The following CCAR2 variants were observed in gnomAD, a reference collection of about 807,000 sequenced individuals.
The protein encoded by CCAR2 is cell cycle and apoptosis regulator 2.
A neutral mutation model predicts 108.1 loss-of-function variants in CCAR2; 21 were observed. That is an observed-to-expected ratio of 0.19 (90% confidence interval 0.14 to 0.28). CCAR2 has a LOEUF of 0.28. Ranked by LOEUF, CCAR2 falls within the 10% of genes least tolerant of loss-of-function variation. The pLI, the probability that CCAR2 is intolerant of heterozygous loss-of-function variation, is 1.00. For synonymous variants in CCAR2, 577 were observed against 472.8 expected, an observed-to-expected ratio of 1.22 and a Z score of -2.86; for missense variants, 1,126 against 1,177.0, an observed-to-expected ratio of 0.96 and a Z score of 0.63.
chr8:22,614,528 A>G, intron 10 of CCAR2, 25 bp downstream of exon 10: 1 of 1,589,178 alleles, frequency 6.3e-7, no homozygotes, highest in Non-Finnish European at 8.6e-7. Flanking sequence ...GCAGGAGGAG[A>G]TGCATTCACG....
At chr8:22,610,454 C>T (rs1801230224) in intron 7 of CCAR2, among the ~76,000 whole-genome samples, 1 of 152,210 alleles carries the variant, frequency 6.6e-6, no homozygotes. Flanking sequence ...CTTACAACCT[C>T]CTGACAATGT....
At chr8:22,612,879 A>G (rs1167192049) in intron 7 of CCAR2, 138 bp from the exon 8 acceptor site, 4 of 899,752 alleles carry the variant, frequency 4.4e-6, no homozygotes, top group Non-Finnish European at 5.0e-6. Context: ...ACATTCTGTC[A>G]TATGGCTGTT....
At chr8:22,605,638 T>A in intron 1 of CCAR2, 98 bp from the exon 2 acceptor site, 1 of 700,506 alleles carries the variant, frequency 1.4e-6, no homozygotes, top group South Asian at 1.7e-5. Context: ...CCCACCTCCC[T>A]GTTTTCCGAA....
rs192034006 is a variant in CCAR2 at position 22,612,428 on chromosome 8, C to T, written c.585-589C>T. Among the ~76,000 whole-genome samples the T allele has an allele frequency of 2.5e-3, 385 of 152,014 alleles. 5 individuals are homozygous for T. Among genetic ancestry groups the T allele is most frequent in the African/African-American group, 8.7e-3 (360 of 41,426 alleles). On this transcript the variant is annotated intron_variant, in intron 7 of 20. Transcript: ENST00000308511. ...GACTGCAGGCACGCACCACCAGGCCCAGCTAATTTTTGTATTTTTAGTAGA... is the reference window on the plus strand; with the variant it reads ...GACTGCAGGCACGCACCACCAGGCCTAGCTAATTTTTGTATTTTTAGTAGA...
intron 14 of CCAR2, 168 bp from the exon 15 acceptor site, chr8:22,617,252 G>A: frequency 1.3e-6 from 1 of 754,646 alleles, no homozygotes; most frequent in South Asian, 3.7e-5. Flanking sequence ...GCCCTGGCAT[G>A]CTCTGAATCC....
At chr8:22,619,452 G>A in intron 20 of CCAR2, 97 bp downstream of exon 20, 12 of 1,459,794 alleles carry the variant, frequency 8.2e-6, no homozygotes, top group Non-Finnish European at 1.1e-5. Context: ...TGACCAGAGG[G>A]CCAGCAGGCA....
At chr8:22,615,987 A>G (rs1235077850) in intron 13 of CCAR2, 25 bp from the exon 14 acceptor site, 20 of 1,613,324 alleles carry the variant, frequency 1.2e-5, no homozygotes, top group Non-Finnish European at 1.6e-5. Flanking sequence ...CCTGATGCTC[A>G]TGGACCCTCC....
At chr8:22,605,912 C>T in intron 2 of CCAR2, 81 bp downstream of exon 2, 1 of 1,421,236 alleles carries the variant, frequency 7.0e-7, no homozygotes, top group East Asian at 2.3e-5. Flanking sequence ...TGGTGGAGAG[C>T]AATTTGCTGC....
downstream of CCAR2, chr8:22,621,459 C>G (rs746906528): frequency 1.9e-6 from 3 of 1,613,866 alleles, no homozygotes; most frequent in East Asian, 2.2e-5. Flanking sequence ...CCGGAGCTCA[C>G]TGAGTTTGGC....
rs762744515 is a variant in CCAR2, at chr8:22,606,615, G to A, written c.159G>A (p.Glu53=). The A allele has an allele frequency of 4.3e-6, 7 of 1,613,848 alleles. No homozygotes were observed. Among genetic ancestry groups the A allele is most frequent in the African/African-American group, 1.3e-5 (1 of 75,038 alleles). The change falls in exon 4 of 21, where the codon GAG becomes GAA. Residue 53 remains glutamate, a synonymous_variant. Coordinates refer to ENST00000308511, the MANE Select transcript of CCAR2 (RefSeq NM_001393997.1). ...SQNARHLQGG[E]KQRVFTGIVT... Reference sequence around the variant, plus strand: ...GTCTCCTTCTCTTACAGGGTGGGGAGAAACAGCGGGTCTTCACTGGTATTG... The same window carrying A: ...GTCTCCTTCTCTTACAGGGTGGGGAAAAACAGCGGGTCTTCACTGGTATTG...
rs1801560508 is a variant in CCAR2 at position 22,617,251 on chromosome 8, TG to T, written c.1846-168del. 9 of 739,142 alleles carry T rather than the reference TG, an allele frequency of 1.2e-5. No homozygotes were observed. The East Asian group carries it at 2.6e-4, about 21-fold the overall frequency. 45.8% of individuals were successfully genotyped at this position (739,142 alleles called of 1,614,324 possible). On this transcript the variant is annotated intron_variant, in intron 14 of 20. Transcript: ENST00000308511. ...CCAGGTGTCTGGCGATGCCCTGGCA[TG>T]CTCTGAATCCCACTTAATGAAATTA...
In CCAR2 at chr8:22,619,792, G is replaced by A; in HGVS notation, c.*110G>A. 1 of 1,244,354 alleles carries A rather than the reference G, an allele frequency of 8.0e-7. No individual in the cohort carries two copies. Among genetic ancestry groups the A allele is most frequent in the Non-Finnish European group, 1.1e-6 (1 of 881,862 alleles). The allele number at this position is 1,244,354 out of a possible 1,614,324, so 77.1% of individuals were successfully genotyped here. A position where few individuals can be genotyped will look rare whatever the true frequency, so the allele number is the denominator to read the frequency against. On this transcript the variant is annotated 3_prime_UTR_variant, in exon 21 of 21. Coordinates refer to ENST00000308511, the MANE Select transcript of CCAR2 (RefSeq NM_001393997.1). Reference sequence around the variant, plus strand: ...GAGCGAGACCTGGGAGCCAGGGCAGGGGTGGCTGACCCCATGCTCAGCCTC... The same window carrying A: ...GAGCGAGACCTGGGAGCCAGGGCAGAGGTGGCTGACCCCATGCTCAGCCTC...
In CCAR2 at chr8:22,614,441, C is replaced by G. The variant is rs746181327; in HGVS notation, c.979C>G (p.Leu327Val). The part of the protein sequence containing the change: ...GLEELYRCCM[L>V]FVDDMAEPRE... ...GGAGGAATTGTATCGTTGTTGCATGCTCTTTGTGGATGACATGGCTGAGCC... is the reference window on the plus strand; with the variant it reads ...GGAGGAATTGTATCGTTGTTGCATGGTCTTTGTGGATGACATGGCTGAGCC... Residue 327 changes from leucine (L) to valine (V), a missense_variant, in exon 10 of 21, where the codon CTC becomes GTC. This residue lies in a region of CCAR2 where 1,013 missense variants were observed against 993.9 expected (regional missense o/e 1.02). Transcript: ENST00000308511. 6.2e-7 allele frequency: 1 copy of G among 1,614,198 alleles called. No homozygotes were observed. The highest frequency in any genetic ancestry group is 8.5e-7 in the Non-Finnish European group (1 of 1,180,040).
At chr8:22,607,910 G>C in intron 6 of CCAR2, 59 bp from the exon 7 acceptor site, 1 of 1,375,234 alleles carries the variant, frequency 7.3e-7, no homozygotes, top group South Asian at 1.2e-5. Context: ...ACAGGTGTGA[G>C]CTATTGCACC....
At chr8:22,612,512 C>T (rs1009045010) in intron 7 of CCAR2, among the ~76,000 whole-genome samples, 10 of 152,102 alleles carry the variant, frequency 6.6e-5, no homozygotes, top group African/African-American at 9.7e-5. Context: ...GTGATCTGCC[C>T]GCCTTGGCCT....
chr8:22,618,211 C>T, intron 16 of CCAR2, 138 bp from the exon 17 acceptor site: 2 of 1,145,620 alleles, frequency 1.7e-6, no homozygotes, highest in Non-Finnish European at 2.6e-6. Flanking sequence ...CTGCCTTAGC[C>T]TCCCCAGCAG....
At chr8:22,620,889 A>G (rs1210989731), downstream of CCAR2, 1 of 152,710 alleles carries the variant, frequency 6.5e-6, no homozygotes, top group African/African-American at 2.4e-5. Flanking sequence ...CTTAGGTCCC[A>G]AAGCCACAAG....
chr8:22,621,331 C>T (rs1801799191), downstream of CCAR2: 1 of 1,482,394 alleles, frequency 6.7e-7, no homozygotes, highest in African/African-American at 1.4e-5. Flanking sequence ...CACCTCTGTC[C>T]CCAGCCTGTG....
intron 14 of CCAR2, chr8:22,616,486 G>C (rs1401994715): frequency 5.3e-6 from 3 of 561,106 alleles, no homozygotes; most frequent in Non-Finnish European, 9.5e-6. Flanking sequence ...GAGAACGCTT[G>C]GCAGAGTGGG....
Sources: allele counts gnomAD v4.1 joint callset (sites outside exome capture counted in the v4.1 genomes callset), GRCh38; gene constraint gnomAD v4.1.1; regional missense constraint gnomAD v4.1.1; transcripts MANE v1.5; gene names NCBI Gene and HGNC (gene_info 2026-07-23, HGNC 2026-07-21).